ANKMY1: variants seen among roughly 807,000 people sequenced by gnomAD.
The protein encoded by ANKMY1 is ankyrin repeat and MYND domain-containing protein 1.
In ANKMY1, 98 loss-of-function variants were observed where a neutral mutation model predicts 102.0. That is an observed-to-expected ratio of 0.96 (90% CI 0.82 to 1.14). ANKMY1 has a LOEUF of 1.14. Ranked by LOEUF, ANKMY1 falls within the 50% of genes most tolerant of loss-of-function variation. The probability of loss-of-function intolerance (pLI) is 0.00; values close to 1 mark genes in which losing one functional copy is unlikely to be tolerated. For synonymous variants in ANKMY1, 582 were observed against 559.9 expected (o/e 1.04, Z -0.56); for missense variants, 1,330 against 1,347.6 (o/e 0.99, Z 0.20).
intron 4 of ANKMY1, among the ~76,000 whole-genome samples, chr2:240,534,771 C>G (rs546198276): frequency 8.5e-5 from 13 of 152,278 alleles, no homozygotes; most frequent in African/African-American, 2.9e-4. Context: ...ATACCTTTCT[C>G]AGTCATCAAT....
At chr2:240,504,179 C>T (rs1359153638) in intron 13 of ANKMY1, among the ~76,000 whole-genome samples, 1 of 152,180 alleles carries the variant, frequency 6.6e-6, no homozygotes, top group African/African-American at 2.4e-5. Context: ...ATGGAGGCTT[C>T]GCCAGGACCC....
At chr2:240,555,947 C>A (rs2092300792) in intron 2 of ANKMY1, among the ~76,000 whole-genome samples, 1 of 152,234 alleles carries the variant, frequency 6.6e-6, no homozygotes, top group Non-Finnish European at 1.5e-5. Context: ...TCTCAAAGGG[C>A]CTTCCGTTCT....
At chr2:240,552,830 C>A in intron 4 of ANKMY1, 84 bp downstream of exon 4, 1 of 1,597,934 alleles carries the variant, frequency 6.3e-7, no homozygotes. Context: ...ATAAACTTCC[C>A]CAGGACCGAA....
intron 3 of ANKMY1, chr2:240,553,669 C>T (rs1472374716): frequency 2.0e-5 from 3 of 152,774 alleles, no homozygotes; most frequent in South Asian, 4.1e-4. Flanking sequence ...CCGAGGCAGG[C>T]GGATCATCTA....
chr2:240,530,737 A>C (rs1352445489), intron 4 of ANKMY1, among the ~76,000 whole-genome samples: 1 of 152,064 alleles, frequency 6.6e-6, no homozygotes, highest in Non-Finnish European at 1.5e-5. Flanking sequence ...GTGTCAGGAG[A>C]CCCAATCTCC....
Position 240,520,576 on chromosome 2 carries a change from C to A in ANKMY1, c.1833-43G>T, listed in dbSNP as rs993483003. 7 of 1,576,046 alleles carry A rather than the reference C, an allele frequency of 4.4e-6. No individual in the cohort carries two copies. The highest frequency in any genetic ancestry group is 6.0e-6 in the Non-Finnish European group (7 of 1,161,136). ...CCCGTGGGCCCCTGGAGGGCAGGCACCTGCACTGCGCCCAGAACGGGGCCA... is the reference window on the plus strand; with the variant it reads ...CCCGTGGGCCCCTGGAGGGCAGGCAACTGCACTGCGCCCAGAACGGGGCCA... On this transcript the variant is annotated intron_variant, in intron 8 of 17. Transcript: ENST00000401804. This position sits in a 1 kb window ranked among gnomAD's most constrained non-coding sequence, Gnocchi z 4.8.
rs1441436983 is a variant in ANKMY1, at chr2:240,552,984, A to G, written c.410T>C (p.Phe137Ser). 1 of 1,613,990 alleles carries G rather than the reference A, an allele frequency of 6.2e-7. No homozygotes were observed. The highest frequency in any genetic ancestry group is 1.1e-5 in the South Asian group (1 of 91,068). Residue 137 changes from phenylalanine (F) to serine (S), a missense_variant, in exon 4 of 18, where the codon TTC (phenylalanine) becomes TCC (serine). Phe to Ser is a radical substitution (Grantham distance 155). Transcript: ENST00000401804. ...GTGGCTGAGGTAAAATGTGCCCGTG[A>G]AACTGGAGCCATCTGGCCACATGTA... ...GTYMWPDGSS[F>S]TGTFYLSHRE...
At chr2:240,515,666 A>C (rs534484461) in intron 9 of ANKMY1, among the ~76,000 whole-genome samples, 1 of 152,222 alleles carries the variant, frequency 6.6e-6, no homozygotes, top group Non-Finnish European at 1.5e-5. Flanking sequence ...TTCATAATAC[A>C]AGGGTAAAAT....
chr2:240,557,043 G>C, intron 2 of ANKMY1, 147 bp downstream of exon 2: 2 of 916,778 alleles, frequency 2.2e-6, no homozygotes, highest in East Asian at 2.9e-5. Flanking sequence ...TGCTGACACA[G>C]TGTTGAGGCT....
Position 240,496,417 on chromosome 2 carries a change from C to T in ANKMY1, c.2806+3541G>A, listed in dbSNP as rs575541204. 2.0e-5 allele frequency among the ~76,000 whole-genome samples: 3 copies of T among 150,580 alleles called. No homozygotes were observed. The South Asian group carries it at 6.3e-4, about 32-fold the overall frequency. The stretch of plus-strand genomic sequence containing the variant: ...ATAGATAGATAGATAGATAGATGTG[C>T]TTGATGGTGTCCACTTTCCCCTGAT... On this transcript the variant is annotated intron_variant, in intron 15 of 17. Coordinates refer to ENST00000401804, the MANE Select transcript of ANKMY1 (RefSeq NM_001282771.3).
rs977410612 is a variant in ANKMY1, at chr2:240,520,205, A to AC, written c.2004+156dup. On this transcript the variant is annotated intron_variant, in intron 9 of 17. Transcript: ENST00000401804. This position sits in a 1 kb window ranked among gnomAD's most constrained non-coding sequence, Gnocchi z 4.8. ...CATGGGTGAAAGAGCGGGCTGTGGG[A>AC]CCCCCCACTGCGGCGCGCCGTCATC... The AC allele has an allele frequency of 2.8e-5, 31 of 1,092,648 alleles. No individual in the cohort carries two copies. The South Asian group carries it at 3.2e-4, about 11-fold the overall frequency. The allele number at this position is 1,092,648 out of a possible 1,614,324, so 67.7% of individuals were successfully genotyped here. A position where few individuals can be genotyped will look rare whatever the true frequency, so the allele number is the denominator to read the frequency against.
chr2:240,536,522 G>C (rs1453373806), intron 4 of ANKMY1, among the ~76,000 whole-genome samples: 2 of 152,160 alleles, frequency 1.3e-5, no homozygotes, highest in Non-Finnish European at 2.9e-5. Context: ...CTACTAGAGA[G>C]GCTAAAACTA....
At chr2:240,519,979 C>T in intron 9 of ANKMY1, 1 of 440,790 alleles carries the variant, frequency 2.3e-6, no homozygotes, top group South Asian at 1.7e-5. Flanking sequence ...AGCACCAAAA[C>T]CCTTTGCCTC....
chr2:240,470,926 T>G, the ANKMY1 span, among the ~76,000 whole-genome samples: 1 of 151,226 alleles, frequency 6.6e-6, no homozygotes, highest in Non-Finnish European at 1.5e-5. Flanking sequence ...GTGGGGAGAG[T>G]GGTGTATCAG....
intron 13 of ANKMY1, 51 bp from the exon 14 acceptor site, chr2:240,500,616 G>A (rs2078015935): frequency 6.5e-7 from 1 of 1,541,152 alleles, no homozygotes; most frequent in African/African-American, 1.4e-5. Flanking sequence ...CGGCTACTGG[G>A]AGCAGCGGAA....
rs1355128156 is a variant in ANKMY1 at position 240,529,260 on chromosome 2, A to G, written c.730T>C (p.Tyr244His). The G allele has an allele frequency of 1.9e-6, 3 of 1,614,050 alleles. No individual in the cohort carries two copies. The highest frequency in any genetic ancestry group is 2.5e-6 in the Non-Finnish European group (3 of 1,180,040). ...TTGTCATTCAGAAGAAACCGCTTAT[A>G]GTCATAGAAAAAGGGATCCTGTCCC... ...QEGQDPFFYD[Y>H]KRFLLNDNLT... Residue 244 changes from tyrosine to histidine, a missense_variant, in exon 5 of 18, where the codon TAT (tyrosine) becomes CAT (histidine). Tyr to His is a moderately conservative substitution (Grantham distance 83). Transcript: ENST00000401804. The surrounding 1 kb of genome is among the most constrained non-coding windows in gnomAD (Gnocchi z 4.2).
At chr2:240,545,237 C>A (rs1488747554) in intron 4 of ANKMY1, among the ~76,000 whole-genome samples, 1 of 152,216 alleles carries the variant, frequency 6.6e-6, no homozygotes, top group Non-Finnish European at 1.5e-5. Context: ...GAGGCACCCC[C>A]CAGCAGGGGC....
At chr2:240,547,033 T>A (rs1044094134) in intron 4 of ANKMY1, among the ~76,000 whole-genome samples, 5 of 152,070 alleles carry the variant, frequency 3.3e-5, no homozygotes, top group African/African-American at 1.2e-4. Flanking sequence ...TACAGAACTC[T>A]CCACCCCAAA....
the ANKMY1 span, among the ~76,000 whole-genome samples, chr2:240,470,319 G>C: frequency 6.6e-6 from 1 of 152,206 alleles, no homozygotes; most frequent in Non-Finnish European, 1.5e-5. Flanking sequence ...GAAGTGGGTA[G>C]AGTCTAGGGA....
Sources: allele counts gnomAD v4.1 joint callset (sites outside exome capture counted in the v4.1 genomes callset), GRCh38; gene constraint gnomAD v4.1.1; non-coding constraint Gnocchi (gnomAD v3.1); transcripts MANE v1.5; gene names NCBI Gene and HGNC (gene_info 2026-07-23, HGNC 2026-07-21).